PCGF3: variants seen among roughly 807,000 people sequenced by gnomAD.
PCGF3 encodes polycomb group RING finger protein 3.
A neutral mutation model predicts 33.1 loss-of-function variants in PCGF3; 7 were observed. The observed-to-expected ratio is 0.21, with a 90% CI of 0.12 to 0.40. The LOEUF is 0.40. Among genes scored for constraint, PCGF3 ranks in the 10% least tolerant of loss-of-function variants. PCGF3 has a pLI of 1.00. For synonymous variants in PCGF3, 153 were observed against 121.3 expected (o/e 1.26, Z -1.72); for missense variants, 211 against 313.3 (o/e 0.67, Z 2.46).
intron 8 of PCGF3, chr4:757,464 G>C (rs1193223625): frequency 1.3e-5 from 2 of 152,242 alleles, no homozygotes; most frequent in African/African-American, 2.4e-5. Context: ...CTCGTCTTTG[G>C]GGGGCTTCTT....
In PCGF3 at chr4:713,941, G is replaced by GA. The variant is rs201792201; in HGVS notation, c.-190+7979dup. Among the ~76,000 whole-genome samples the GA allele has an allele frequency of 3.9e-3, 590 of 152,044 alleles. 5 individuals carry two copies. The highest frequency in any genetic ancestry group is 0.014 in the African/African-American group (570 of 41,476). On this transcript the variant is annotated intron_variant, in intron 1 of 10. Coordinates refer to ENST00000362003, the Ensembl canonical transcript of PCGF3. ...ACTTTTTTACCCAAGTTTTTGTTAA[G>GA]AAAAAAAATCGCAATACAGAAAAAT... is the stretch of plus-strand genomic sequence containing the variant.
At chr4:734,685 T>C in intron 4 of PCGF3, 1 of 1,314,350 alleles carries the variant, frequency 7.6e-7, no homozygotes, top group Non-Finnish European at 9.7e-7. Context: ...TAAGTTTTTT[T>C]CCCACTTAAT....
intron 6 of PCGF3, among the ~76,000 whole-genome samples, chr4:741,823 C>G (rs1744105200): frequency 6.6e-6 from 1 of 152,158 alleles, no homozygotes; most frequent in Non-Finnish European, 1.5e-5. Context: ...GGGTCAGGGT[C>G]TGAAGCTGAG....
At chr4:761,206 A>G (rs569694664) in intron 8 of PCGF3, 73 bp from the exon 9 acceptor site, 4 of 1,300,124 alleles carry the variant, frequency 3.1e-6, no homozygotes, top group Admixed American at 5.5e-5. Context: ...TTAGTGAAAT[A>G]TGTCTAAGGA....
At chr4:738,024 C>T (rs886601696) in intron 6 of PCGF3, among the ~76,000 whole-genome samples, 2 of 152,240 alleles carry the variant, frequency 1.3e-5, no homozygotes, top group African/African-American at 4.8e-5. Flanking sequence ...GCTTGGGGAT[C>T]GCTCAGCTGA....
At chr4:728,885 A>C (rs1320416735) in intron 1 of PCGF3, among the ~76,000 whole-genome samples, 2 of 152,028 alleles carry the variant, frequency 1.3e-5, no homozygotes, top group Non-Finnish European at 2.9e-5. Context: ...GAATCACTGG[A>C]GGCCAGGAGT....
exon 11 of PCGF3, chr4:769,561 AATG>A (rs1224722358): frequency 6.5e-6 from 1 of 152,718 alleles, no homozygotes; most frequent in East Asian, 1.9e-4. Flanking sequence ...AAATCATTCA[AATG>A]ATACCATAAT....
intron 8 of PCGF3, among the ~76,000 whole-genome samples, chr4:749,301 A>G (rs1221249878): frequency 6.6e-6 from 1 of 151,814 alleles, no homozygotes; most frequent in East Asian, 1.9e-4. Context: ...AGTAGCTGGG[A>G]TTACAGGCAT....
chr4:753,814 G>A (rs1467752618), intron 8 of PCGF3, among the ~76,000 whole-genome samples: 1 of 151,930 alleles, frequency 6.6e-6, no homozygotes, highest in Non-Finnish European at 1.5e-5. Flanking sequence ...CGGGCATGGT[G>A]GTGGGTGCCT....
intron 1 of PCGF3, among the ~76,000 whole-genome samples, chr4:712,331 C>T (rs1054791929): frequency 1.3e-5 from 2 of 152,168 alleles, no homozygotes; most frequent in Non-Finnish European, 2.9e-5. Context: ...AGCAAAACTC[C>T]CATTGACAGG....
intron 8 of PCGF3, among the ~76,000 whole-genome samples, chr4:749,287 C>A (rs1029484026): frequency 2.6e-5 from 4 of 152,048 alleles, no homozygotes; most frequent in Non-Finnish European, 5.9e-5. Flanking sequence ...GCCTCAGCCT[C>A]CCAAGTAGCT....
intron 8 of PCGF3, among the ~76,000 whole-genome samples, chr4:753,278 G>A (rs994569435): frequency 6.6e-6 from 1 of 152,194 alleles, no homozygotes; most frequent in Non-Finnish European, 1.5e-5. Flanking sequence ...CGACCTCTTG[G>A]GCTCAAGTGC....
At chr4:729,876 C>T (rs78838194) in intron 1 of PCGF3, among the ~76,000 whole-genome samples, 11,258 of 152,252 alleles carry the variant, frequency 0.074, 536 homozygotes, top group East Asian at 0.14. Flanking sequence ...TTTCCCCAGT[C>T]TGACTCCAGC....
intron 1 of PCGF3, among the ~76,000 whole-genome samples, chr4:719,901 A>G (rs1368044210): frequency 2.6e-5 from 4 of 152,094 alleles, no homozygotes; most frequent in Non-Finnish European, 5.9e-5. Flanking sequence ...CGCATTATAG[A>G]GGGAGGGACT....
At chr4:743,453 C>T (rs1560209679) in intron 6 of PCGF3, 21 bp from the exon 7 acceptor site, 3 of 1,411,004 alleles carry the variant, frequency 2.1e-6, no homozygotes, top group Non-Finnish European at 3.0e-6. Context: ...AGATGAAAGA[C>T]TGTGTGTTGA....
At chr4:765,780 G>A (rs1384535496) in intron 10 of PCGF3, among the ~76,000 whole-genome samples, 1 of 152,130 alleles carries the variant, frequency 6.6e-6, no homozygotes, top group African/African-American at 2.4e-5. Flanking sequence ...AGGTACAGGT[G>A]GCCACCACGG....
chr4:734,021 G>A (rs1743731231), intron 4 of PCGF3: 2 of 1,550,856 alleles, frequency 1.3e-6, no homozygotes, highest in African/African-American at 2.7e-5. Flanking sequence ...GCGAAACACA[G>A]GAGAGACCCC....
At chr4:764,212 CAGG>C (rs1334833707) in intron 9 of PCGF3, among the ~76,000 whole-genome samples, 1 of 152,080 alleles carries the variant, frequency 6.6e-6, no homozygotes, top group Non-Finnish European at 1.5e-5. Flanking sequence ...GTGTTGGTGG[CAGG>C]GGGGTTCCAA....
chr4:710,810 T>A (rs1412401776), intron 1 of PCGF3, among the ~76,000 whole-genome samples: 1 of 152,240 alleles, frequency 6.6e-6, no homozygotes, highest in Non-Finnish European at 1.5e-5. Flanking sequence ...CAGCTTCAAG[T>A]GCAAGGATTT....
Sources: allele counts gnomAD v4.1 joint callset (sites outside exome capture counted in the v4.1 genomes callset), GRCh38; gene constraint gnomAD v4.1.1; transcripts MANE v1.5; gene names NCBI Gene and HGNC (gene_info 2026-07-23, HGNC 2026-07-21).